The following TTC19 variants were observed in gnomAD, a reference collection of about 807,000 sequenced individuals.
TTC19 encodes tetratricopeptide repeat domain 19, also known as tetratricopeptide repeat protein 19, mitochondrial.
A neutral mutation model predicts 49.5 loss-of-function variants in TTC19; 38 were observed. The observed-to-expected ratio is 0.77, with a 90% CI of 0.59 to 1.01. The LOEUF is 1.01. Among genes scored for constraint, TTC19 ranks in the 50% least tolerant of loss-of-function variants. The probability of loss-of-function intolerance (pLI) is 0.00; values close to 1 mark genes in which losing one functional copy is unlikely to be tolerated. For missense variants in TTC19, 475 were observed against 477.7 expected (o/e 0.99, Z 0.05); for synonymous variants, 204 against 185.2 (o/e 1.10, Z -0.83).
At chr17:16,010,028 A>G (rs1971019347) in intron 7 of TTC19, among the ~76,000 whole-genome samples, 1 of 152,014 alleles carries the variant, frequency 6.6e-6, no homozygotes, top group South Asian at 2.1e-4. Flanking sequence ...GTACAAATTT[A>G]TATTTTTCTT....
chr17:16,028,866 A>G lies in TTC19; in HGVS notation c.*1344A>G. On this transcript the variant is annotated 3_prime_UTR_variant, in exon 10 of 10. Transcript: ENST00000261647. Reference sequence around the variant, plus strand: ...AAAAAACTTTCTGAAGAAAATAAAAACACCAGAAACCTTGAGGTCCAAATC... The same window carrying G: ...AAAAAACTTTCTGAAGAAAATAAAAGCACCAGAAACCTTGAGGTCCAAATC... 7.5e-6 allele frequency: 3 copies of G among 398,742 alleles called. 1 individual carries two copies. Among genetic ancestry groups the G allele is most frequent in the South Asian group, 5.6e-5 (3 of 54,024 alleles). 24.7% of individuals were successfully genotyped at this position (398,742 alleles called of 1,614,324 possible).
intron 5 of TTC19, 111 bp from the exon 6 acceptor site, chr17:16,004,090 A>G: frequency 8.1e-7 from 1 of 1,229,192 alleles, no homozygotes; most frequent in Non-Finnish European, 1.2e-6. Flanking sequence ...CATCACTCTA[A>G]AAGAATAAAG....
At chr17:16,037,727 C>T (rs766889949) in intron 2 of TTC19, among the ~76,000 whole-genome samples, 1 of 152,250 alleles carries the variant, frequency 6.6e-6, no homozygotes, top group Non-Finnish European at 1.5e-5. Context: ...CATGCTACTA[C>T]AGGACTTGAG....
downstream of TTC19, chr17:16,029,894 C>T (rs1488215649): frequency 6.5e-6 from 1 of 153,544 alleles, no homozygotes; most frequent in South Asian, 2.1e-4. Context: ...TTCGGGTCCT[C>T]AGGTAGAACT....
rs1971645723 is a variant in TTC19 at position 16,028,187 on chromosome 17, A to G, written c.*665A>G. 2.2e-6 allele frequency: 1 copy of G among 453,974 alleles called. No individual in the cohort carries two copies. Among genetic ancestry groups the G allele is most frequent in the Non-Finnish European group, 4.4e-6 (1 of 226,784 alleles). 28.1% of individuals were successfully genotyped at this position (453,974 alleles called of 1,614,324 possible). A position where few individuals can be genotyped will look rare whatever the true frequency, so the allele number is the denominator to read the frequency against. ...AAACTAAAAATGGGGGTGTTTATAT[A>G]AAACTAAAAACTAAGAATGATGTAA... On this transcript the variant is annotated 3_prime_UTR_variant, in exon 10 of 10. Coordinates refer to ENST00000261647, the MANE Select transcript of TTC19 (RefSeq NM_017775.4).
intron 2 of TTC19, among the ~76,000 whole-genome samples, chr17:16,043,853 CAG>C (rs1436247914): frequency 6.6e-6 from 1 of 152,128 alleles, no homozygotes; most frequent in Non-Finnish European, 1.5e-5. Flanking sequence ...AGACTGGAGA[CAG>C]AAAATAGTAA....
intron 7 of TTC19, among the ~76,000 whole-genome samples, chr17:16,012,043 C>G (rs559316476): frequency 6.6e-6 from 1 of 150,822 alleles, no homozygotes; most frequent in African/African-American, 2.4e-5. Context: ...CTCACCATGT[C>G]TTAGGGTGCT....
chr17:16,004,322 C>G (rs1339179752), intron 6 of TTC19, 60 bp downstream of exon 6: 2 of 1,477,810 alleles, frequency 1.4e-6, no homozygotes, highest in Non-Finnish European at 9.5e-7. Flanking sequence ...TGGGATGTTA[C>G]ATAATATTCA....
chr17:16,024,677 T>A (rs1279149711), intron 7 of TTC19: 3 of 323,426 alleles, frequency 9.3e-6, no homozygotes, highest in African/African-American at 6.6e-5. Flanking sequence ...GTCTTCTTCC[T>A]GCATTGTTTT....
At chr17:16,010,536 G>A (rs181478237) in intron 7 of TTC19, among the ~76,000 whole-genome samples, 247 of 149,886 alleles carry the variant, frequency 1.6e-3, no homozygotes, top group Non-Finnish European at 2.6e-3. Flanking sequence ...GTGCAGTGGC[G>A]TGATCTCGGC....
At chr17:16,007,205 C>T (rs552087465) in intron 7 of TTC19, among the ~76,000 whole-genome samples, 1 of 152,278 alleles carries the variant, frequency 6.6e-6, no homozygotes, top group Non-Finnish European at 1.5e-5. Flanking sequence ...AGTAGTCCCC[C>T]GTTATCCATG....
Position 16,024,897 on chromosome 17 carries a change from T to C in TTC19, c.677-120T>C, listed in dbSNP as rs1024243402. 3.0e-5 allele frequency: 27 copies of C among 904,938 alleles called. No individual in the cohort carries two copies. In the African/African-American group the frequency reaches 4.2e-4, roughly 14 times the overall value. The allele number at this position is 904,938 out of a possible 1,614,324, so 56.1% of individuals were successfully genotyped here. Reference sequence around the variant, plus strand: ...GCTAGTCTGGAATAGGTCATTTAACTGGATGTTAATTCACCTACATTGTTC... The same window carrying C: ...GCTAGTCTGGAATAGGTCATTTAACCGGATGTTAATTCACCTACATTGTTC... On this transcript the variant is annotated intron_variant, in intron 7 of 9. Coordinates refer to ENST00000261647, the MANE Select transcript of TTC19 (RefSeq NM_017775.4).
chr17:16,023,639 G>A (rs1971451358), intron 7 of TTC19: 2 of 152,194 alleles, frequency 1.3e-5, no homozygotes, highest in Non-Finnish European at 2.9e-5. Context: ...AAATAGACGA[G>A]TCTGATGATA....
chr17:16,023,645 T>TG (rs1971451877), intron 7 of TTC19: 1 of 152,260 alleles, frequency 6.6e-6, no homozygotes, highest in South Asian at 2.1e-4. Context: ...ACGAGTCTGA[T>TG]GATACAGACG....
intron 7 of TTC19, among the ~76,000 whole-genome samples, chr17:16,010,384 G>A (rs1344617990): frequency 1.3e-5 from 2 of 151,532 alleles, no homozygotes; most frequent in Non-Finnish European, 1.5e-5. Context: ...ATGTTAGCCA[G>A]GATGGTCTCA....
At chr17:16,037,521 G>A (rs73981421) in intron 2 of TTC19, among the ~76,000 whole-genome samples, 5,789 of 152,266 alleles carry the variant, frequency 0.038, 114 homozygotes, top group East Asian at 0.074. Flanking sequence ...CCATTAAAAT[G>A]TGGTAATTAA....
chr17:16,019,550 G>A (rs764094487), intron 7 of TTC19, among the ~76,000 whole-genome samples: 31 of 151,942 alleles, frequency 2.0e-4, no homozygotes, highest in Non-Finnish European at 2.1e-4. Flanking sequence ...TTTAAAGGGT[G>A]ACTTCCTCTA....
At chr17:16,035,302 G>A (rs1381528691) in intron 2 of TTC19, among the ~76,000 whole-genome samples, 2 of 152,134 alleles carry the variant, frequency 1.3e-5, no homozygotes, top group Admixed American at 6.5e-5. Context: ...CAAAATTGGA[G>A]TTGATCCCTC....
At chr17:16,002,649 T>C (rs564168698) in intron 3 of TTC19, 144 bp from the exon 4 acceptor site, 1 of 759,950 alleles carries the variant, frequency 1.3e-6, no homozygotes, top group African/African-American at 1.7e-5. Flanking sequence ...CTGTGCTTCT[T>C]CTTGCAGATT....
Sources: gnomAD v4.1 joint callset for allele counts (sites outside exome capture counted in the v4.1 genomes callset) on GRCh38, gnomAD v4.1.1 for gene constraint, MANE v1.5 for transcripts, NCBI Gene and HGNC (gene_info 2026-07-23, HGNC 2026-07-21) for gene names.